NCAPD3: variants seen among roughly 807,000 people sequenced by gnomAD.
NCAPD3 encodes condensin-2 complex subunit D3.
A neutral mutation model predicts 182.9 loss-of-function variants in NCAPD3; 105 were observed. That is an observed-to-expected ratio of 0.57 (90% CI 0.49 to 0.68). The LOEUF is 0.68. Among genes scored for constraint, NCAPD3 ranks in the 30% least tolerant of loss-of-function variants. The pLI, the probability that NCAPD3 is intolerant of heterozygous loss-of-function variation, is 0.00. For missense variants in NCAPD3, 1,944 were observed against 1,837.0 expected, an observed-to-expected ratio of 1.06 and a Z score of -1.07; for synonymous variants, 815 against 679.9, an observed-to-expected ratio of 1.20 and a Z score of -3.09.
chr11:134,162,439 A>G (rs1943611229), intron 27 of NCAPD3, among the ~76,000 whole-genome samples: 1 of 152,204 alleles, frequency 6.6e-6, no homozygotes, highest in Non-Finnish European at 1.5e-5. Context: ...AAGTCTTCAC[A>G]CTTTACCTTG....
At position 134,171,903 on chromosome 11, in the gene NCAPD3, G is replaced by A. The variant is rs150920260; in HGVS notation, c.3102-2849C>T. ...TCAGAGGATGAGGAGCACATTTCCC[G>A]GACCCCCAGTGCCTTCCTGCCTTCA... is the stretch of plus-strand genomic sequence containing the variant. On this transcript the variant is annotated intron_variant, in intron 24 of 34. Coordinates refer to ENST00000534548, the MANE Select transcript of NCAPD3 (RefSeq NM_015261.3). 2.9e-3 allele frequency among the ~76,000 whole-genome samples: 442 copies of A among 152,238 alleles called. 6 individuals carry two copies. The highest frequency in any genetic ancestry group is 0.014 in the Middle Eastern group (4 of 294).
Position 134,204,664 on chromosome 11 carries a change from C to T in NCAPD3, c.1089+235G>A, listed in dbSNP as rs1225544449. On this transcript the variant is annotated intron_variant, in intron 9 of 34. Transcript: ENST00000534548. This position sits in a 1 kb window ranked among gnomAD's most constrained non-coding sequence, Gnocchi z 4.3. ...TGTGGTGGTTCACCAGCCTATTTTC[C>T]CTGTTTCTGTGTGTATGTTCAACAT... 6.6e-6 allele frequency among the ~76,000 whole-genome samples: 1 copy of T among 152,094 alleles called. No individual in the cohort carries two copies. Among genetic ancestry groups the T allele is most frequent in the African/African-American group, 2.4e-5 (1 of 41,416 alleles).
In NCAPD3 at chr11:134,216,803, G is replaced by A. The variant is rs145672187; in HGVS notation, c.382+133C>T. The A allele has an allele frequency of 0.016, 13,301 of 821,092 alleles. 166 individuals carry two copies. The highest frequency in any genetic ancestry group is 0.018 in the Non-Finnish European group (10,293 of 562,440). The allele number at this position is 821,092 out of a possible 1,614,324, so 50.9% of individuals were successfully genotyped here. A position where few individuals can be genotyped will look rare whatever the true frequency, so the allele number is the denominator to read the frequency against. On this transcript the variant is annotated intron_variant, in intron 3 of 34. Coordinates refer to ENST00000534548, the MANE Select transcript of NCAPD3 (RefSeq NM_015261.3). ...CATGTACTTTAGAGACTTGCTCCTCGCAACAACTCTCTGCCATGGGTTAGC... is the reference window on the plus strand; with the variant it reads ...CATGTACTTTAGAGACTTGCTCCTCACAACAACTCTCTGCCATGGGTTAGC...
rs1210779215 is a variant in NCAPD3 at position 134,151,967 on chromosome 11, A to G, written c.*977T>C. ...TGTTGCGGTTCCCACTTGGGATGGC[A>G]GTGGGCAGATCTCAGTGGCATCCCA... On this transcript the variant is annotated 3_prime_UTR_variant, in exon 35 of 35. Coordinates refer to ENST00000534548, the MANE Select transcript of NCAPD3 (RefSeq NM_015261.3). The G allele has an allele frequency of 6.6e-6, 1 of 152,176 alleles. No individual in the cohort carries two copies. The highest frequency in any genetic ancestry group is 1.5e-5 in the Non-Finnish European group (1 of 68,026). The allele number at this position is 152,176 out of a possible 1,614,324, so 9.4% of individuals were successfully genotyped here.
chr11:134,199,589 G>A (rs549194649), intron 13 of NCAPD3, among the ~76,000 whole-genome samples: 4 of 152,254 alleles, frequency 2.6e-5, no homozygotes, highest in South Asian at 4.1e-4. Flanking sequence ...GTAGCTCCCC[G>A]TCAGCCACCC....
At chr11:134,206,283 G>A (rs193133657) in intron 8 of NCAPD3, among the ~76,000 whole-genome samples, 40 of 152,298 alleles carry the variant, frequency 2.6e-4, no homozygotes, top group Admixed American at 5.2e-4. Context: ...TGGCTGCAAT[G>A]AAGCAGACAA....
intron 27 of NCAPD3, among the ~76,000 whole-genome samples, chr11:134,165,148 CACTT>C (rs776361296): frequency 1.7e-4 from 26 of 150,692 alleles, no homozygotes; most frequent in Admixed American, 4.0e-4. Flanking sequence ...GCAGCACACT[CACTT>C]GTGAGATGAG....
chr11:134,183,853 T>C (rs1159678112), intron 19 of NCAPD3, among the ~76,000 whole-genome samples: 2 of 152,170 alleles, frequency 1.3e-5, no homozygotes, highest in African/African-American at 4.8e-5. Flanking sequence ...AGGAAGGTAG[T>C]TGGGGAGATC....
Position 134,200,986 on chromosome 11 carries a change from A to G in NCAPD3, c.1615+1830T>C, listed in dbSNP as rs1944735551. On this transcript the variant is annotated intron_variant, in intron 13 of 34. Coordinates refer to ENST00000534548, the MANE Select transcript of NCAPD3 (RefSeq NM_015261.3). ...AGAAGTCAGACACAAAAGACAACAC[A>G]GTACATGACTGCATTTATGCGGAAT... Among the ~76,000 whole-genome samples, 3 of 152,106 alleles carry G rather than the reference A, an allele frequency of 2.0e-5. No homozygotes were observed. In the South Asian group the frequency reaches 6.2e-4, roughly 32 times the overall value.
At chr11:134,167,042 T>A (rs78213174) in intron 27 of NCAPD3, among the ~76,000 whole-genome samples, 4 of 66,926 alleles carry the variant, frequency 6.0e-5, no homozygotes, top group African/African-American at 8.1e-5. Context: ...TTGGGGGAGC[T>A]GCACACTCAC....
rs550480461 is a variant in NCAPD3, at chr11:134,153,281, G to T, written c.4327+8C>A. ...ATCTATCAGCCCAGAAGGACACCAA[G>T]AACTTGCCTTTGGCTGACGACGGAG... is the stretch of plus-strand genomic sequence containing the variant. On this transcript the variant is annotated splice_region_variant and intron_variant, in intron 33 of 34. Coordinates refer to ENST00000534548, the MANE Select transcript of NCAPD3 (RefSeq NM_015261.3). 1.9e-4 allele frequency: 306 copies of T among 1,614,180 alleles called. 3 individuals carry two copies. In the South Asian group the frequency reaches 3.1e-3, roughly 17 times the overall value.
intron 2 of NCAPD3, among the ~76,000 whole-genome samples, chr11:134,217,732 T>C (rs1938079296): frequency 6.6e-6 from 1 of 152,122 alleles, no homozygotes; most frequent in Non-Finnish European, 1.5e-5. Flanking sequence ...TCCTTGAGTA[T>C]CGTAACAAAA....
Position 134,199,791 on chromosome 11 carries a change from C to T in NCAPD3, c.1615+3025G>A, listed in dbSNP as rs149738446. ...TATGGGGATCCATCCCGAGGAAGAA[C>T]TCATGAGGACTGAAGAAAAAATTAT... On this transcript the variant is annotated intron_variant, in intron 13 of 34. Transcript: ENST00000534548. 1.1e-4 allele frequency among the ~76,000 whole-genome samples: 17 copies of T among 152,278 alleles called. No individual in the cohort carries two copies. In the East Asian group the frequency reaches 3.3e-3, roughly 29 times the overall value.
At position 134,153,200 on chromosome 11, in the gene NCAPD3, T is replaced by A. The variant is rs1943310533; in HGVS notation, c.4328A>T (p.Glu1443Val). ...TCCTTGACTCCGGCCTTCAATTTTC[T>A]CTAAAAGGGAGTCAAACAAACACAT... is the stretch of plus-strand genomic sequence containing the variant. ...GTPRTPSSAK[E>V]KIEGRSQGND... Residue 1443 changes from glutamate to valine, a missense_variant and splice_region_variant, in exon 34 of 35, where the codon GAG becomes GTG. Glu to Val is a moderately radical substitution (Grantham distance 121, BLOSUM62 -2). This residue lies in a region of NCAPD3 where 1,803 missense variants were observed against 1,674.6 expected (regional missense o/e 1.08). Transcript: ENST00000534548. The A allele has an allele frequency of 6.2e-7, 1 of 1,614,178 alleles. No homozygotes were observed. The highest frequency in any genetic ancestry group is 8.5e-7 in the Non-Finnish European group (1 of 1,179,994).
In NCAPD3 at chr11:134,185,237, G is replaced by A. The variant is rs564574593; in HGVS notation, c.2237+98C>T. ...ACCAGGTTTTAAACAGAAGGTCTCTGTATATGAATAGCTATGAAAAAGCTC... is the reference window on the plus strand; with the variant it reads ...ACCAGGTTTTAAACAGAAGGTCTCTATATATGAATAGCTATGAAAAAGCTC... On this transcript the variant is annotated intron_variant, in intron 17 of 34. Transcript: ENST00000534548. 8.6e-5 allele frequency: 96 copies of A among 1,119,544 alleles called. No individual in the cohort carries two copies. The East Asian group carries it at 2.4e-3, about 28-fold the overall frequency. The allele number at this position is 1,119,544 out of a possible 1,614,324, so 69.4% of individuals were successfully genotyped here.
intron 7 of NCAPD3, among the ~76,000 whole-genome samples, chr11:134,207,462 T>C (rs918201269): frequency 6.6e-6 from 1 of 151,750 alleles, no homozygotes; most frequent in Non-Finnish European, 1.5e-5. Flanking sequence ...TAAAAAAAAA[T>C]ACCGACTGGG....
rs539710665 is a variant in NCAPD3, at chr11:134,169,135, G to A, written c.3102-81C>T. On this transcript the variant is annotated intron_variant, in intron 24 of 34. Transcript: ENST00000534548. Reference sequence around the variant, plus strand: ...CTGAATACACCAAGAACTCTGCTGAGCAGAGGAGAGCTGTACATAAGCGTA... The same window carrying A: ...CTGAATACACCAAGAACTCTGCTGAACAGAGGAGAGCTGTACATAAGCGTA... 1.9e-4 allele frequency: 260 copies of A among 1,404,950 alleles called. 2 individuals carry two copies. The South Asian group carries it at 3.5e-3, about 19-fold the overall frequency. 87.0% of individuals were successfully genotyped at this position (1,404,950 alleles called of 1,614,324 possible). A position where few individuals can be genotyped will look rare whatever the true frequency, so the allele number is the denominator to read the frequency against.
At chr11:134,202,704 T>C in intron 13 of NCAPD3, 112 bp downstream of exon 13, 1 of 786,542 alleles carries the variant, frequency 1.3e-6, no homozygotes, top group Non-Finnish European at 2.0e-6. Flanking sequence ...TTTCAACTCT[T>C]AGGGGTGAAT....
At position 134,220,610 on chromosome 11, in the gene NCAPD3, G is replaced by C; in HGVS notation, c.181C>G (p.Leu61Val). Residue 61 changes from leucine to valine, a missense_variant, in exon 2 of 35, where the codon CTT becomes GTT. Around this residue, in one of 3 missense-constraint regions of NCAPD3, gnomAD observed 131 missense variants for 133.9 expected, o/e 0.98. Transcript: ENST00000534548. ...LAAFTKLYES[L>V]LPFATGEHGS... ...TGTTCTCCAGTAGCAAAGGGTAAAAGGCTTTCATAGAGTTTTGTGAATGCA... is the reference window on the plus strand; with the variant it reads ...TGTTCTCCAGTAGCAAAGGGTAAAACGCTTTCATAGAGTTTTGTGAATGCA... 1 of 1,613,968 alleles carries C rather than the reference G, an allele frequency of 6.2e-7. No individual in the cohort carries two copies. The highest frequency in any genetic ancestry group is 1.6e-4 in the Middle Eastern group (1 of 6,062).
Sources: allele counts gnomAD v4.1 joint callset (sites outside exome capture counted in the v4.1 genomes callset), GRCh38; gene constraint gnomAD v4.1.1; regional missense constraint gnomAD v4.1.1; non-coding constraint Gnocchi (gnomAD v3.1); transcripts MANE v1.5; gene names NCBI Gene and HGNC (gene_info 2026-07-23, HGNC 2026-07-21).